Variants in NOS2 observed in about 807,000 individuals in gnomAD.
The protein encoded by NOS2 is nitric oxide synthase, inducible.
Under a neutral mutation model 136.0 loss-of-function variants are expected in NOS2, and 96 were observed. The observed-to-expected ratio is 0.71, with a 90% CI of 0.60 to 0.84. The LOEUF (loss-of-function observed/expected upper bound fraction) is 0.84, where lower values mean the gene tolerates loss of function less well. Ranked by LOEUF, NOS2 falls within the 40% of genes least tolerant of loss-of-function variation. NOS2 has a pLI of 0.00. For missense variants in NOS2, 1,237 were observed against 1,496.9 expected (o/e 0.83, Z 2.87); for synonymous variants, 539 against 587.5 (o/e 0.92, Z 1.20).
Position 27,757,270 on chromosome 17 carries a change from G to T in NOS2, c.3438C>A (p.Ser1146Arg), listed in dbSNP as rs777348920. The T allele has an allele frequency of 6.2e-6, 10 of 1,613,996 alleles. No homozygotes were observed. In the South Asian group the frequency reaches 1.1e-4, roughly 18 times the overall value. Residue 1146 changes from serine (S) to arginine (R), a missense_variant, in exon 27 of 27, where the codon AGC (serine) becomes AGA (arginine). By Grantham distance (110) the Ser-to-Arg change is moderately radical. Coordinates refer to ENST00000313735, the MANE Select transcript of NOS2 (RefSeq NM_000625.4). ...AKKDRVAVQP[S>R]SLEMSAL is the part of the protein sequence containing the mutation. ...CTCAGAGCGCTGACATCTCCAGGCT[G>T]CTGGGCTGCACCGCCACCCTGTCCT...
Position 27,780,856 on chromosome 17 carries a change from G to A in NOS2, c.915C>T (p.Val305=). The part of the protein sequence containing the change: ...WKPKYGRFDV[V]PLVLQANGRD... ...GGCCATTGGCCTGCAGGACCAGGGG[G>A]ACCACATCGAAGCGGCCGTACTTGG... Residue 305 remains valine (V), a synonymous_variant, in exon 9 of 27, where the codon GTC becomes GTT. Coordinates refer to ENST00000313735, the MANE Select transcript of NOS2 (RefSeq NM_000625.4). The A allele has an allele frequency of 6.2e-7, 1 of 1,614,154 alleles. No individual in the cohort carries two copies. The highest frequency in any genetic ancestry group is 8.5e-7 in the Non-Finnish European group (1 of 1,180,012).
intron 26 of NOS2, among the ~76,000 whole-genome samples, chr17:27,758,463 T>TG (rs1308993803): frequency 6.6e-6 from 1 of 152,084 alleles, no homozygotes; most frequent in Non-Finnish European, 1.5e-5. Context: ...CCCTTCCTGC[T>TG]GGGGGGATGA....
chr17:27,788,757 C>T, intron 4 of NOS2, 52 bp downstream of exon 4: 1 of 1,579,788 alleles, frequency 6.3e-7, no homozygotes, highest in Non-Finnish European at 8.6e-7. Context: ...AAAGCCCTGG[C>T]AGCTTCACCA....
intron 6 of NOS2, 60 bp downstream of exon 6, chr17:27,782,884 C>G (rs1567640463): frequency 9.7e-6 from 15 of 1,550,408 alleles, no homozygotes; most frequent in Non-Finnish European, 1.3e-5. Flanking sequence ...CTGTTCCAAG[C>G]CATCTGCTCA....
intron 11 of NOS2, among the ~76,000 whole-genome samples, chr17:27,775,911 G>A (rs1389470051): frequency 1.3e-5 from 2 of 152,238 alleles, no homozygotes; most frequent in African/African-American, 4.8e-5. Context: ...ACTGCATAAG[G>A]CATCGGCGTT....
Position 27,780,771 on chromosome 17 carries a change from G to C in NOS2, c.1000C>G (p.Pro334Ala), listed in dbSNP as rs1428441582. ...CAGCACCCTCAGCCTACTTACTTGG[G>C]ATGTTCCATGGCCACCTCAAGCACA... ...DLVLEVAMEH[P>A]KYEWFRELEL... The change falls in exon 9 of 27, where the codon CCC becomes GCC. Residue 334 changes from proline to alanine, a missense_variant. This residue lies in a region of NOS2 where 440 missense variants were observed against 545.4 expected (regional missense o/e 0.81). Coordinates refer to ENST00000313735, the MANE Select transcript of NOS2 (RefSeq NM_000625.4). The C allele has an allele frequency of 6.2e-7, 1 of 1,614,106 alleles. No individual in the cohort carries two copies. Among genetic ancestry groups the C allele is most frequent in the African/African-American group, 1.3e-5 (1 of 74,948 alleles).
rs1194162051 is a variant in NOS2, at chr17:27,774,025, C to G, written c.1476+232G>C. ...GAAGCAGGTGTAATGACAGACCCCC[C>G]ATCTGAGCCACAGGCCACTAGCGGT... On this transcript the variant is annotated intron_variant, in intron 12 of 26. Coordinates refer to ENST00000313735, the MANE Select transcript of NOS2 (RefSeq NM_000625.4). Among the ~76,000 whole-genome samples, 3 of 152,356 alleles carry G rather than the reference C, an allele frequency of 2.0e-5. No individual in the cohort carries two copies. In the East Asian group the frequency reaches 5.8e-4, roughly 29 times the overall value.
intron 18 of NOS2, among the ~76,000 whole-genome samples, chr17:27,767,212 G>C (rs899023324): frequency 3.3e-5 from 5 of 152,186 alleles, no homozygotes; most frequent in Non-Finnish European, 5.9e-5. Flanking sequence ...CAGGGCACAG[G>C]GCACAGCACC....
chr17:27,779,067 G>A lies in NOS2; in HGVS notation c.1005-11C>T. ...CGAAACCACTCGTATCTGGCAAAAAGGTAGACACAATTTAACTGGGGCCTT... is the reference window on the plus strand; with the variant it reads ...CGAAACCACTCGTATCTGGCAAAAAAGTAGACACAATTTAACTGGGGCCTT... On this transcript the variant is annotated splice_polypyrimidine_tract_variant and intron_variant, in intron 9 of 26. Transcript: ENST00000313735. 1 of 1,460,768 alleles carries A rather than the reference G, an allele frequency of 6.8e-7. No homozygotes were observed. The highest frequency in any genetic ancestry group is 1.9e-4 in the Middle Eastern group (1 of 5,378). 90.5% of individuals were successfully genotyped at this position (1,460,768 alleles called of 1,614,324 possible).
At position 27,764,116 on chromosome 17, in the gene NOS2, C is replaced by A; in HGVS notation, c.2457G>T (p.Leu819=). ...SGSYWVSDKR[L]PPCSLSQALT... is the part of the protein sequence containing the mutation. ...GGGCCTGGCTGAGTGAGCAGGGGGG[C>A]AGCCTCTTGTCACTGACCCAGTAGC... The change falls in exon 21 of 27, where the codon CTG becomes CTT. Residue 819 remains leucine, a synonymous_variant. Coordinates refer to ENST00000313735, the MANE Select transcript of NOS2 (RefSeq NM_000625.4). 1 of 1,582,066 alleles carries A rather than the reference C, an allele frequency of 6.3e-7. No individual in the cohort carries two copies. The highest frequency in any genetic ancestry group is 1.2e-5 in the South Asian group (1 of 86,884).
At position 27,778,876 on chromosome 17, in the gene NOS2, G is replaced by C. The variant is rs1908747654; in HGVS notation, c.1179+6C>G. On this transcript the variant is annotated splice_donor_region_variant and intron_variant, in intron 10 of 26. Transcript: ENST00000313735. ...TTCATCTGGCCAGCTGGGCTGGCTG[G>C]GTTACCTCCAGGATGTTGTAGCGCT... is the stretch of plus-strand genomic sequence containing the variant. The C allele has an allele frequency of 6.2e-7, 1 of 1,609,800 alleles. No homozygotes were observed. The highest frequency in any genetic ancestry group is 8.5e-7 in the Non-Finnish European group (1 of 1,176,562).
chr17:27,778,393 G>A (rs1597552416), intron 11 of NOS2, among the ~76,000 whole-genome samples: 1 of 152,154 alleles, frequency 6.6e-6, no homozygotes. Flanking sequence ...CTTTGAAATG[G>A]GGCTAAGAGA....
intron 2 of NOS2, among the ~76,000 whole-genome samples, chr17:27,794,868 T>C (rs1369824749): frequency 6.6e-6 from 1 of 152,230 alleles, no homozygotes; most frequent in East Asian, 1.9e-4. Flanking sequence ...ATATATTCAT[T>C]GGCTCTCATT....
intron 18 of NOS2, 72 bp downstream of exon 18, chr17:27,767,633 T>C: frequency 6.5e-7 from 1 of 1,541,210 alleles, no homozygotes; most frequent in Non-Finnish European, 8.7e-7. Flanking sequence ...GACCTGGGGG[T>C]CTCCTTGACC....
Position 27,757,207 on chromosome 17 carries a change from A to AAGTTCT in NOS2, c.*33_*38dup. The AAGTTCT allele has an allele frequency of 6.5e-7, 1 of 1,539,072 alleles. No individual in the cohort carries two copies. On this transcript the variant is annotated 3_prime_UTR_variant, in exon 27 of 27. Coordinates refer to ENST00000313735, the MANE Select transcript of NOS2 (RefSeq NM_000625.4). Reference sequence around the variant, plus strand: ...ATAATGCAGAGCTGGCTCCATCCTTAAGTTCTGTGCCGGCAGCTTTAACCC... The same window carrying AAGTTCT: ...ATAATGCAGAGCTGGCTCCATCCTTAAGTTCTAGTTCTGTGCCGGCAGCTTTAACCC...
rs1597554700 is a variant in NOS2, at chr17:27,782,209, AAC to A, written c.631-105_631-104del. 3.0e-5 allele frequency: 27 copies of A among 907,632 alleles called. No individual in the cohort carries two copies. The East Asian group carries it at 6.5e-4, about 22-fold the overall frequency. 56.2% of individuals were successfully genotyped at this position (907,632 alleles called of 1,614,324 possible). A position where few individuals can be genotyped will look rare whatever the true frequency, so the allele number is the denominator to read the frequency against. On this transcript the variant is annotated intron_variant, in intron 6 of 26. Transcript: ENST00000313735. The stretch of plus-strand genomic sequence containing the variant: ...AATCAATAGTGCAGCCGAAACACTC[AAC>A]ACACAAACACTCAACACCATGCCGA...
intron 19 of NOS2, among the ~76,000 whole-genome samples, chr17:27,766,100 G>A (rs1487988626): frequency 6.6e-6 from 1 of 152,252 alleles, no homozygotes; most frequent in Non-Finnish European, 1.5e-5. Context: ...TGCATGCGGG[G>A]AGGACAGCAC....
intron 15 of NOS2, among the ~76,000 whole-genome samples, chr17:27,769,957 G>A (rs1437789120): frequency 6.6e-6 from 1 of 152,360 alleles, no homozygotes; most frequent in Admixed American, 6.5e-5. Flanking sequence ...TGGTCCTACA[G>A]TCTCTGAAAT....
At chr17:27,782,187 C>T (rs1390845658) in intron 6 of NOS2, 81 bp from the exon 7 acceptor site, 17 of 1,248,420 alleles carry the variant, frequency 1.4e-5, no homozygotes, top group African/African-American at 4.4e-5. Flanking sequence ...CACTGGGAAT[C>T]AATAGTGCAG....
Sources: allele counts gnomAD v4.1 joint callset (sites outside exome capture counted in the v4.1 genomes callset), GRCh38; gene constraint gnomAD v4.1.1; regional missense constraint gnomAD v4.1.1; transcripts MANE v1.5; gene names NCBI Gene and HGNC (gene_info 2026-07-23, HGNC 2026-07-21).